PTPRD: variants seen among roughly 807,000 people sequenced by gnomAD.
PTPRD encodes the protein receptor-type tyrosine-protein phosphatase delta.
In PTPRD, 34 loss-of-function variants were observed where a neutral mutation model predicts 214.5. That is an observed-to-expected ratio of 0.16 (90% CI 0.12 to 0.21). The LOEUF is 0.21. Among genes scored for constraint, PTPRD ranks in the 10% least tolerant of loss-of-function variants. The pLI is 1.00. For missense variants in PTPRD, 2,545 were observed against 2,398.7 expected (o/e 1.06, Z -1.27); for synonymous variants, 1,128 against 845.7 (o/e 1.33, Z -5.79).
At position 9,655,886 on chromosome 9, in the gene PTPRD, G is replaced by C. The variant is rs543249068; in HGVS notation, c.-287+78647C>G. The stretch of plus-strand genomic sequence containing the variant: ...CGAGATACTCAGGAGACTGAGGTAG[G>C]AGAATTGCTTAAACCCAGGAGACGG... On this transcript the variant is annotated intron_variant, in intron 7 of 45. Transcript: ENST00000381196. Among the ~76,000 whole-genome samples, 15 of 152,110 alleles carry C rather than the reference G, an allele frequency of 9.9e-5. 1 individual carries two copies. In the South Asian group the frequency reaches 3.1e-3, roughly 32 times the overall value.
chr9:10,087,717 C>T (rs1439366300), intron 3 of PTPRD, among the ~76,000 whole-genome samples: 1 of 151,656 alleles, frequency 6.6e-6, no homozygotes, highest in African/African-American at 2.4e-5. Context: ...ACTGAATATA[C>T]TAATAGAATA....
rs558142618 is a variant in PTPRD at position 8,983,398 on chromosome 9, T to C, written c.-104+35299A>G. Among the ~76,000 whole-genome samples the C allele has an allele frequency of 2.6e-5, 4 of 152,242 alleles. No homozygotes were observed. In the South Asian group the frequency reaches 8.3e-4, roughly 32 times the overall value. On this transcript the variant is annotated intron_variant, in intron 11 of 45. Transcript: ENST00000381196. Reference sequence around the variant, plus strand: ...TATAATTTTCCACCCTTACCTCTTATGTTTTCCTGTAGTAATAGCAAGAGT... The same window carrying C: ...TATAATTTTCCACCCTTACCTCTTACGTTTTCCTGTAGTAATAGCAAGAGT...
chr9:9,428,054 C>G (rs199655825), intron 8 of PTPRD, among the ~76,000 whole-genome samples: 18 of 151,966 alleles, frequency 1.2e-4, no homozygotes, highest in African/African-American at 3.9e-4. Flanking sequence ...TCAAATTCAC[C>G]CATAACAATA....
chr9:8,330,526 CTCTTTGGTTGGTTTGCAAAGGATGT>C (rs1359666166), intron 44 of PTPRD, among the ~76,000 whole-genome samples: 1 of 151,662 alleles, frequency 6.6e-6, no homozygotes, highest in East Asian at 1.9e-4. Context: ...TTCCTACAAG[CTCTTTGGTTGGTTTGCAAAGGATGT>C]TTAATAACTC....
intron 2 of PTPRD, among the ~76,000 whole-genome samples, chr9:10,531,783 T>C (rs1336189657): frequency 6.6e-6 from 1 of 152,190 alleles, no homozygotes; most frequent in African/African-American, 2.4e-5. Context: ...CAAACACAAT[T>C]GTAGCTTTGC....
chr9:8,875,535 C>T (rs1352025403), intron 11 of PTPRD, among the ~76,000 whole-genome samples: 1 of 152,022 alleles, frequency 6.6e-6, no homozygotes, highest in Non-Finnish European at 1.5e-5. Flanking sequence ...TAAGAAATTA[C>T]AACTATTTAT....
intron 7 of PTPRD, among the ~76,000 whole-genome samples, chr9:9,615,764 A>C (rs2154348790): frequency 6.6e-6 from 1 of 152,274 alleles, no homozygotes; most frequent in South Asian, 2.1e-4. Flanking sequence ...TTTAATCCTG[A>C]CAAAAAATCT....
At chr9:8,517,624 A>T (rs1433003537) in intron 21 of PTPRD, among the ~76,000 whole-genome samples, 1 of 152,256 alleles carries the variant, frequency 6.6e-6, no homozygotes, top group Non-Finnish European at 1.5e-5. Flanking sequence ...ATTCCCATAC[A>T]AATTAAAAAG....
chr9:9,873,451 A>C (rs1037913545), intron 5 of PTPRD, among the ~76,000 whole-genome samples: 2 of 152,002 alleles, frequency 1.3e-5, no homozygotes, highest in African/African-American at 2.4e-5. Context: ...TCTAACTAAA[A>C]CCTGGATCTT....
At chr9:8,872,200 G>A (rs1208950862) in intron 11 of PTPRD, among the ~76,000 whole-genome samples, 4 of 152,212 alleles carry the variant, frequency 2.6e-5, no homozygotes, top group Admixed American at 6.5e-5. Context: ...GGTGAGGAAT[G>A]TGACAGTGAG....
chr9:10,047,816 G>A (rs1245419772), intron 3 of PTPRD, among the ~76,000 whole-genome samples: 1 of 152,072 alleles, frequency 6.6e-6, no homozygotes, highest in African/African-American at 2.4e-5. Flanking sequence ...ATCTACCAAA[G>A]ACAACTACTA....
chr9:8,834,638 A>G lies in PTPRD; in HGVS notation c.-103-100692T>C, dbSNP rs373148479. Among the ~76,000 whole-genome samples the G allele has an allele frequency of 2.6e-5, 4 of 152,338 alleles. No individual in the cohort carries two copies. In the East Asian group the frequency reaches 7.7e-4, roughly 29 times the overall value. The stretch of plus-strand genomic sequence containing the variant: ...CTCATTTAATGTTCACAGCAATAGT[A>G]TGAGGTAGGTAGGTACTCATATTGT... On this transcript the variant is annotated intron_variant, in intron 11 of 45. Coordinates refer to ENST00000381196, the MANE Select transcript of PTPRD (RefSeq NM_002839.4).
intron 10 of PTPRD, among the ~76,000 whole-genome samples, chr9:9,177,333 G>A (rs1158457991): frequency 6.6e-6 from 1 of 152,034 alleles, no homozygotes; most frequent in East Asian, 1.9e-4. Flanking sequence ...TGGGGATTAT[G>A]GGGATTATGG....
intron 4 of PTPRD, among the ~76,000 whole-genome samples, chr9:10,019,920 A>G (rs922899980): frequency 3.3e-5 from 4 of 120,034 alleles, no homozygotes; most frequent in Non-Finnish European, 8.2e-5. Flanking sequence ...CTAGAACTTA[A>G]AGTATAATAA....
At chr9:10,289,815 G>T (rs573191017) in intron 3 of PTPRD, among the ~76,000 whole-genome samples, 2 of 152,078 alleles carry the variant, frequency 1.3e-5, no homozygotes, top group Non-Finnish European at 2.9e-5. Context: ...ATGTATACAA[G>T]AAATTGTAAT....
At chr9:8,815,734 T>C (rs541470647) in intron 11 of PTPRD, among the ~76,000 whole-genome samples, 208 of 152,262 alleles carry the variant, frequency 1.4e-3, no homozygotes, top group Admixed American at 2.4e-3. Context: ...ACCAACAGTG[T>C]TGATACAATT....
chr9:9,534,564 C>A (rs2154266925), intron 8 of PTPRD, among the ~76,000 whole-genome samples: 1 of 152,116 alleles, frequency 6.6e-6, no homozygotes, highest in South Asian at 2.1e-4. Flanking sequence ...AACAAGTGCT[C>A]CATTTTAACT....
intron 3 of PTPRD, among the ~76,000 whole-genome samples, chr9:10,263,503 ACT>A (rs1190098480): frequency 3.3e-5 from 5 of 152,196 alleles, no homozygotes; most frequent in East Asian, 3.9e-4. Flanking sequence ...AGTAAAGGTC[ACT>A]CTTGCTAGGC....
intron 5 of PTPRD, among the ~76,000 whole-genome samples, chr9:9,931,968 C>G (rs148731972): frequency 0.048 from 7,292 of 152,050 alleles, 291 homozygotes; most frequent in East Asian, 0.18. Context: ...CAGGGGCACA[C>G]TGACACCTCA....
Sources: allele counts gnomAD v4.1 joint callset (sites outside exome capture counted in the v4.1 genomes callset), GRCh38; gene constraint gnomAD v4.1.1; transcripts MANE v1.5; gene names NCBI Gene and HGNC (gene_info 2026-07-23, HGNC 2026-07-21).